The following ASB1 variants were observed in gnomAD, a reference collection of about 807,000 sequenced individuals.
ASB1 encodes ankyrin repeat and SOCS box containing 1.
Under a neutral mutation model 27.7 loss-of-function variants are expected in ASB1, and 18 were observed. The ratio of observed to expected loss-of-function variants is 0.65; its 90% confidence interval spans 0.45 to 0.96. The LOEUF (loss-of-function observed/expected upper bound fraction) is 0.96. Ranked by LOEUF, ASB1 falls within the 50% of genes least tolerant of loss-of-function variation. The pLI is 0.00. For missense variants in ASB1, 397 were observed against 451.7 expected, an observed-to-expected ratio of 0.88 and a Z score of 1.10; for synonymous variants, 189 against 187.6, an observed-to-expected ratio of 1.01 and a Z score of -0.06.
intron 2 of ASB1, chr2:238,435,028 T>A (rs371657790): frequency 2.0e-5 from 3 of 152,380 alleles, no homozygotes; most frequent in Non-Finnish European, 4.4e-5. Context: ...CTGAGCTTTG[T>A]TCTCAGTGAC....
In ASB1 at chr2:238,427,030, GC is replaced by G. The variant is rs1474259894; in HGVS notation, c.-40del. The G allele has an allele frequency of 8.1e-7, 1 of 1,242,060 alleles. No individual in the cohort carries two copies. The highest frequency in any genetic ancestry group is 1.0e-6 in the Non-Finnish European group (1 of 992,712). The allele number at this position is 1,242,060 out of a possible 1,614,324, so 76.9% of individuals were successfully genotyped here. On this transcript the variant is annotated 5_prime_UTR_variant, in exon 1 of 5. Transcript: ENST00000264607. ...GGTCGTTCTGCTTCCTGCCCGAGGG[GC>G]GTGCGCGGGTCAGGGGCGGCCGCGG... is the stretch of plus-strand genomic sequence containing the variant.
intron 3 of ASB1, among the ~76,000 whole-genome samples, chr2:238,437,519 A>G (rs1317470394): frequency 6.6e-6 from 1 of 150,460 alleles, no homozygotes; most frequent in Non-Finnish European, 1.5e-5. Context: ...CGTGAGCCAC[A>G]GTGCCTGGCC....
chr2:238,442,648 G>A (rs1039899222), intron 3 of ASB1, among the ~76,000 whole-genome samples: 1 of 151,932 alleles, frequency 6.6e-6, no homozygotes, highest in Non-Finnish European at 1.5e-5. Context: ...TTACTTAGAG[G>A]TTTTTTTCTA....
chr2:238,441,223 C>A (rs1286898135), intron 3 of ASB1, among the ~76,000 whole-genome samples: 1 of 151,880 alleles, frequency 6.6e-6, no homozygotes, highest in African/African-American at 2.4e-5. Flanking sequence ...CAACCTCTGC[C>A]CCCTGGGTTC....
At chr2:238,427,426 A>G (rs1417288205) in intron 1 of ASB1, 2 of 296,860 alleles carry the variant, frequency 6.7e-6, no homozygotes, top group African/African-American at 4.3e-5. Flanking sequence ...CCCAACCGCA[A>G]AAGTAGGACG....
chr2:238,432,544 C>T (rs1291511017), intron 1 of ASB1, among the ~76,000 whole-genome samples: 3 of 152,118 alleles, frequency 2.0e-5, no homozygotes, highest in Admixed American at 1.3e-4. Context: ...CCCAGGGCAG[C>T]GTGGGAGGGA....
chr2:238,437,951 A>G (rs1006458930), intron 3 of ASB1, among the ~76,000 whole-genome samples: 3 of 152,226 alleles, frequency 2.0e-5, no homozygotes, highest in South Asian at 2.1e-4. Context: ...TTAGAGGGTG[A>G]TAAAGCTGCA....
At chr2:238,442,024 A>G (rs964624040) in intron 3 of ASB1, among the ~76,000 whole-genome samples, 1 of 152,118 alleles carries the variant, frequency 6.6e-6, no homozygotes, top group African/African-American at 2.4e-5. Flanking sequence ...GTGAGAAGTG[A>G]TATCTCAGAA....
In ASB1 at chr2:238,432,436, A is replaced by G. The variant is rs573229016; in HGVS notation, c.50-1118A>G. 3.3e-5 allele frequency among the ~76,000 whole-genome samples: 5 copies of G among 150,146 alleles called. No individual in the cohort carries two copies. The South Asian group carries it at 1.0e-3, about 31-fold the overall frequency. ...ATGGGCTGGATTTATATTTATGTAC[A>G]TGTGTTTTTAACCTTCGTTTTTATT... is the stretch of plus-strand genomic sequence containing the variant. On this transcript the variant is annotated intron_variant, in intron 1 of 4. Transcript: ENST00000264607.
chr2:238,446,554 C>G lies in ASB1; in HGVS notation c.*43C>G, dbSNP rs1361351601. On this transcript the variant is annotated 3_prime_UTR_variant, in exon 5 of 5. Transcript: ENST00000264607. Reference sequence around the variant, plus strand: ...TGATTCCAGTGAGGGAGAAAGTGATCTGCAGGGAGGTGGACACCGAGCCCT... The same window carrying G: ...TGATTCCAGTGAGGGAGAAAGTGATGTGCAGGGAGGTGGACACCGAGCCCT... The G allele has an allele frequency of 6.2e-7, 1 of 1,608,206 alleles. No homozygotes were observed. The highest frequency in any genetic ancestry group is 8.5e-7 in the Non-Finnish European group (1 of 1,179,194).
chr2:238,429,323 T>C (rs1486911438), intron 1 of ASB1, among the ~76,000 whole-genome samples: 1 of 152,228 alleles, frequency 6.6e-6, no homozygotes, highest in Non-Finnish European at 1.5e-5. Context: ...GCTCTTTACT[T>C]ACACACGAAT....
At chr2:238,444,857 T>G in intron 4 of ASB1, 130 bp downstream of exon 4, 1 of 962,942 alleles carries the variant, frequency 1.0e-6, no homozygotes, top group Middle Eastern at 3.4e-4. Context: ...ACTCGCAGTT[T>G]TCCAGATGGT....
chr2:238,444,973 C>T (rs527683049), intron 4 of ASB1, among the ~76,000 whole-genome samples: 25 of 141,126 alleles, frequency 1.8e-4, no homozygotes, highest in South Asian at 6.8e-4. Flanking sequence ...ATTATGCTCG[C>T]GCTCTCTTTT....
Position 238,451,625 on chromosome 2 carries a change from C to G in ASB1, c.*5114C>G, listed in dbSNP as rs1182129547. The G allele has an allele frequency of 6.5e-6, 1 of 152,700 alleles. No individual in the cohort carries two copies. The highest frequency in any genetic ancestry group is 1.5e-5 in the Non-Finnish European group (1 of 68,094). 9.5% of individuals were successfully genotyped at this position (152,700 alleles called of 1,614,324 possible). A position where few individuals can be genotyped will look rare whatever the true frequency, so the allele number is the denominator to read the frequency against. On this transcript the variant is annotated 3_prime_UTR_variant, in exon 5 of 5. Coordinates refer to ENST00000264607, the MANE Select transcript of ASB1 (RefSeq NM_001040445.3). ...TTGGTAATCAACACGTGTTTGCCTG[C>G]AGTGGCCGGGACCGTGACTGTTTCT...
rs369508047 is a variant in ASB1, at chr2:238,446,778, T to C, written c.*267T>C. On this transcript the variant is annotated 3_prime_UTR_variant, in exon 5 of 5. Coordinates refer to ENST00000264607, the MANE Select transcript of ASB1 (RefSeq NM_001040445.3). Reference sequence around the variant, plus strand: ...AGTTGCATATTAATGTAACGGGCCATGGGGTATGTACATGTAGGGGCTGAG... The same window carrying C: ...AGTTGCATATTAATGTAACGGGCCACGGGGTATGTACATGTAGGGGCTGAG... 1.1e-5 allele frequency: 5 copies of C among 439,328 alleles called. No individual in the cohort carries two copies. The highest frequency in any genetic ancestry group is 1.1e-4 in the South Asian group (5 of 46,362). The allele number at this position is 439,328 out of a possible 1,614,324, so 27.2% of individuals were successfully genotyped here.
rs777986240 is a variant in ASB1 at position 238,444,331 on chromosome 2, C to T, written c.495-11C>T. 1 of 1,592,578 alleles carries T rather than the reference C, an allele frequency of 6.3e-7. No individual in the cohort carries two copies. The highest frequency in any genetic ancestry group is 8.6e-7 in the Non-Finnish European group (1 of 1,165,042). Reference sequence around the variant, plus strand: ...CCCTGCACAGTCTGACTTTCCCTTTCTTCCCTGCAGGTACGGGGCTGATGT... The same window carrying T: ...CCCTGCACAGTCTGACTTTCCCTTTTTTCCCTGCAGGTACGGGGCTGATGT... On this transcript the variant is annotated splice_polypyrimidine_tract_variant and intron_variant, in intron 3 of 4. Coordinates refer to ENST00000264607, the MANE Select transcript of ASB1 (RefSeq NM_001040445.3).
At chr2:238,440,912 T>TGGCTGTGTACATGCCCACGTGGAG (rs1702066154) in intron 3 of ASB1, among the ~76,000 whole-genome samples, 1 of 152,190 alleles carries the variant, frequency 6.6e-6, no homozygotes, top group Non-Finnish European at 1.5e-5. Flanking sequence ...ACCTCACTCA[T>TGGCTGTGTACATGCCCACGTGGAG]GGCTGTGTAC....
Position 238,433,826 on chromosome 2 carries a change from G to A in ASB1, c.191+131G>A, listed in dbSNP as rs186596376. ...AATGTGTTCCAGTTTTAGAGGACGG[G>A]GATAAAGGAGACTGAGGCAGCATGG... On this transcript the variant is annotated intron_variant, in intron 2 of 4. Transcript: ENST00000264607. The A allele has an allele frequency of 3.0e-5, 32 of 1,082,964 alleles. No homozygotes were observed. In the African/African-American group the frequency reaches 4.7e-4, roughly 16 times the overall value. 67.1% of individuals were successfully genotyped at this position (1,082,964 alleles called of 1,614,324 possible).
At chr2:238,444,845 G>A (rs977319345) in intron 4 of ASB1, 118 bp downstream of exon 4, 19 of 1,155,352 alleles carry the variant, frequency 1.6e-5, no homozygotes, top group Non-Finnish European at 2.0e-5. Context: ...TCTTCAGTTA[G>A]AACTCGCAGT....
Sources: gnomAD v4.1 joint callset for allele counts (sites outside exome capture counted in the v4.1 genomes callset) on GRCh38, gnomAD v4.1.1 for gene constraint, MANE v1.5 for transcripts, NCBI Gene and HGNC (gene_info 2026-07-23, HGNC 2026-07-21) for gene names.